Variants in RFPL1 observed in about 807,000 individuals in gnomAD.
The protein encoded by RFPL1 is ret finger protein like 1.
Under a neutral mutation model 9.6 loss-of-function variants are expected in RFPL1, and 6 were observed. The ratio of observed to expected loss-of-function variants is 0.62; its 90% CI spans 0.34 to 1.23. RFPL1 has a LOEUF of 1.23. Among genes scored for constraint, RFPL1 ranks in the 50% most tolerant of loss-of-function variants. RFPL1 has a pLI of 0.03. For missense variants in RFPL1, 352 were observed against 398.4 expected (o/e 0.88, Z 0.99); for synonymous variants, 145 against 149.4 (o/e 0.97, Z 0.22).
upstream of RFPL1, among the ~76,000 whole-genome samples, chr22:29,436,082 T>C (rs922590162): frequency 4.0e-5 from 6 of 151,838 alleles, no homozygotes; most frequent in African/African-American, 1.5e-4. Context: ...AGGTTGGTTA[T>C]TGGATACAGA....
the RFPL1 span, among the ~76,000 whole-genome samples, chr22:29,391,641 C>A: frequency 1.4e-4 from 22 of 152,136 alleles, no homozygotes; most frequent in Non-Finnish European, 1.5e-5. Flanking sequence ...CCGGGCGGCT[C>A]AGGAAGGACT....
the RFPL1 span, among the ~76,000 whole-genome samples, chr22:29,402,695 C>A: frequency 6.2e-4 from 90 of 146,000 alleles, 1 homozygote; most frequent in Admixed American, 1.4e-3. Context: ...GGTGAGCAAA[C>A]GAAAGCTGCC....
At chr22:29,389,473 C>A in the RFPL1 span, among the ~76,000 whole-genome samples, 1 of 151,410 alleles carries the variant, frequency 6.6e-6, no homozygotes, top group Non-Finnish European at 1.5e-5. Flanking sequence ...GATCACAAGG[C>A]CAGGAGATCG....
chr22:29,393,610 G>GACCC, the RFPL1 span, among the ~76,000 whole-genome samples: 1 of 152,106 alleles, frequency 6.6e-6, no homozygotes, highest in African/African-American at 2.4e-5. Context: ...GGCCCTCTGA[G>GACCC]ACCCCAGGCC....
the RFPL1 span, among the ~76,000 whole-genome samples, chr22:29,396,627 A>C: frequency 6.6e-6 from 1 of 152,120 alleles, no homozygotes; most frequent in African/African-American, 2.4e-5. Context: ...CTTTTGTATT[A>C]ATTTAATTTG....
the RFPL1 span, among the ~76,000 whole-genome samples, chr22:29,398,147 C>T: frequency 6.6e-6 from 1 of 152,184 alleles, no homozygotes; most frequent in Non-Finnish European, 1.5e-5. Flanking sequence ...GGGCTGCACT[C>T]ATGGGGGTGT....
chr22:29,392,697 C>A, the RFPL1 span, among the ~76,000 whole-genome samples: 1 of 152,128 alleles, frequency 6.6e-6, no homozygotes, highest in Non-Finnish European at 1.5e-5. Context: ...TGTATTTAAT[C>A]AGGAACTGCA....
chr22:29,415,574 G>A, the RFPL1 span, among the ~76,000 whole-genome samples: 17 of 152,358 alleles, frequency 1.1e-4, no homozygotes, highest in Admixed American at 2.0e-4. Flanking sequence ...AGGCTGCCTC[G>A]CTTCCCGGTC....
chr22:29,422,408 A>G, the RFPL1 span, among the ~76,000 whole-genome samples: 1 of 152,164 alleles, frequency 6.6e-6, no homozygotes, highest in Non-Finnish European at 1.5e-5. Flanking sequence ...GAGAAACGCC[A>G]TCTCTACCAA....
chr22:29,412,518 T>C, the RFPL1 span, among the ~76,000 whole-genome samples: 14 of 152,080 alleles, frequency 9.2e-5, no homozygotes, highest in Non-Finnish European at 1.8e-4. Flanking sequence ...TTCCACTTAC[T>C]TTGGAGATGG....
the RFPL1 span, among the ~76,000 whole-genome samples, chr22:29,424,299 A>G: frequency 6.6e-6 from 1 of 152,208 alleles, no homozygotes; most frequent in East Asian, 1.9e-4. Context: ...ATGAAAGAAA[A>G]GAAGTTACAC....
At chr22:29,412,573 T>C in the RFPL1 span, among the ~76,000 whole-genome samples, 2 of 152,124 alleles carry the variant, frequency 1.3e-5, no homozygotes, top group African/African-American at 4.8e-5. Flanking sequence ...CACAGATGGA[T>C]AGAGGAACCC....
At chr22:29,442,223 A>G in exon 2 of RFPL1, 1 of 805,086 alleles carries the variant, frequency 1.2e-6, no homozygotes, top group Non-Finnish European at 1.9e-6. Flanking sequence ...AAGTCATAGG[A>G]GAAAAATATG....
At chr22:29,406,125 AAAAAAAAAAAAAAAAAAAAAAT>A in the RFPL1 span, among the ~76,000 whole-genome samples, 16 of 78,136 alleles carry the variant, frequency 2.0e-4, no homozygotes, top group East Asian at 1.1e-3. Context: ...CAAAAAAAAA[AAAAAAAAAAAAAAAAAAAAAAT>A]AAAAAAAAAG....
the RFPL1 span, among the ~76,000 whole-genome samples, chr22:29,431,951 C>T: frequency 1.3e-5 from 2 of 152,174 alleles, no homozygotes; most frequent in African/African-American, 4.8e-5. Context: ...CTCGGCCTCC[C>T]AAAGTGCTGG....
chr22:29,442,027 A>G, exon 2 of RFPL1: 1 of 1,614,114 alleles, frequency 6.2e-7, no homozygotes, highest in Non-Finnish European at 8.5e-7. Flanking sequence ...TGCTCCTCCA[A>G]GTCCACCTAA....
the RFPL1 span, among the ~76,000 whole-genome samples, chr22:29,423,628 T>A: frequency 6.6e-6 from 1 of 152,206 alleles, no homozygotes; most frequent in African/African-American, 2.4e-5. Context: ...CTCAGCACTG[T>A]CCTAAATGCT....
the RFPL1 span, among the ~76,000 whole-genome samples, chr22:29,428,156 G>A: frequency 6.6e-6 from 1 of 152,162 alleles, no homozygotes; most frequent in Non-Finnish European, 1.5e-5. Context: ...CTAAGAAACA[G>A]GGATTCATTG....
the RFPL1 span, among the ~76,000 whole-genome samples, chr22:29,402,510 A>G: frequency 9.2e-5 from 14 of 152,318 alleles, no homozygotes; most frequent in South Asian, 2.9e-3. Context: ...CAAGGAAGGG[A>G]AAGTGTGATG....
Sources: allele counts gnomAD v4.1 joint callset (sites outside exome capture counted in the v4.1 genomes callset), GRCh38; gene constraint gnomAD v4.1.1; transcripts MANE v1.5; gene names NCBI Gene and HGNC (gene_info 2026-07-23, HGNC 2026-07-21).